Variants in ANKRD30A observed in about 807,000 individuals in gnomAD.
ANKRD30A encodes the protein ankyrin repeat domain-containing protein 30A.
ANKRD30A carries 170 observed loss-of-function variants against 166.3 expected under a neutral mutation model. The observed-to-expected ratio is 1.02, with a 90% CI of 0.90 to 1.16. The LOEUF is 1.16. Ranked by LOEUF, ANKRD30A falls within the 50% of genes most tolerant of loss-of-function variation. The probability of loss-of-function intolerance (pLI) is 0.00; values close to 1 mark genes in which losing one functional copy is unlikely to be tolerated. For missense variants in ANKRD30A, 1,630 were observed against 1,518.0 expected (o/e 1.07, Z -1.23); for synonymous variants, 564 against 508.9 (o/e 1.11, Z -1.46).
In ANKRD30A at chr10:37,128,839, G is replaced by A. The variant is rs866761056; in HGVS notation, c.222-1054G>A. 1.3e-5 allele frequency among the ~76,000 whole-genome samples: 2 copies of A among 152,084 alleles called. 1 individual carries two copies. The highest frequency in any genetic ancestry group is 4.1e-4 in the South Asian group (2 of 4,822). On this transcript the variant is annotated intron_variant, in intron 1 of 35. Coordinates refer to ENST00000361713, the MANE Select transcript of ANKRD30A (RefSeq NM_052997.3). ...TCTTTCAAAAAAAAGCACTTCTGAA[G>A]TGAAAAACTAGTAAAATATAACTAC...
chr10:37,237,200 C>T (rs933662387), downstream of ANKRD30A, among the ~76,000 whole-genome samples: 2 of 152,174 alleles, frequency 1.3e-5, no homozygotes, highest in Admixed American at 6.5e-5. Flanking sequence ...GACGGAAGAC[C>T]TAAAGCCCAT....
chr10:37,193,317 CTG>C (rs1330348458), intron 27 of ANKRD30A, 59 bp downstream of exon 27: 1 of 1,532,068 alleles, frequency 6.5e-7, no homozygotes, highest in Non-Finnish European at 8.9e-7. Flanking sequence ...ATTTGAAATG[CTG>C]TGAGACTTTT....
At chr10:37,126,101 A>G (rs1835991383) in intron 1 of ANKRD30A, 93 bp downstream of exon 1, 8 of 1,367,936 alleles carry the variant, frequency 5.8e-6, no homozygotes, top group Middle Eastern at 2.5e-4. Flanking sequence ...GGCCTGGGGA[A>G]GAAGGGAGCA....
chr10:37,153,158 T>C (rs915985139), intron 12 of ANKRD30A, among the ~76,000 whole-genome samples: 1 of 152,312 alleles, frequency 6.6e-6, no homozygotes, highest in South Asian at 2.1e-4. Flanking sequence ...TCTGTGATCA[T>C]GAATATTTTA....
rs1384938834 is a variant in ANKRD30A, at chr10:37,193,200, GA to G, written c.2559del (p.Val854PhefsTer8). On this transcript the variant is annotated frameshift_variant, in exon 27 of 36. Coordinates refer to ENST00000361713, the MANE Select transcript of ANKRD30A (RefSeq NM_052997.3). LOFTEE classifies it high-confidence loss of function. ...AACCCATTTAGGCTCCCTGCAGAATGAAAGTTTCTATTCCAACTAAAGCCTT... is the reference window on the plus strand; with the variant it reads ...AACCCATTTAGGCTCCCTGCAGAATGAAGTTTCTATTCCAACTAAAGCCTT... ...DGFLKAPCRM[K>X]VSIPTKALEL... is the part of the protein sequence containing the mutation. 2.5e-6 allele frequency: 4 copies of G among 1,611,826 alleles called. No homozygotes were observed. The highest frequency in any genetic ancestry group is 3.3e-5 in the Admixed American group (2 of 59,918).
rs1302591139 is a variant in ANKRD30A, at chr10:37,125,934, A to C, written c.147A>C (p.Gly49=). The C allele has an allele frequency of 6.2e-7, 1 of 1,611,938 alleles. No homozygotes were observed. The highest frequency in any genetic ancestry group is 1.7e-5 in the Admixed American group (1 of 60,022). The change falls in exon 1 of 36, where the codon GGA becomes GGC. Residue 49 remains glycine (G), a synonymous_variant. Coordinates refer to ENST00000361713, the MANE Select transcript of ANKRD30A (RefSeq NM_052997.3). ...AGATCCATAAAGCTGCCTCCCGGGG[A>C]CAAGTCCGGAAGCTGGAGAAGATGA... ...LRKIHKAASR[G]QVRKLEKMTK...
chr10:37,151,381 A>T (rs1181033409), intron 11 of ANKRD30A, among the ~76,000 whole-genome samples: 3 of 152,082 alleles, frequency 2.0e-5, no homozygotes, highest in Non-Finnish European at 2.9e-5. Flanking sequence ...TACATTTCTG[A>T]TGTTTCTCCA....
intron 34 of ANKRD30A, among the ~76,000 whole-genome samples, chr10:37,226,055 G>A (rs998950539): frequency 6.6e-6 from 1 of 151,168 alleles, no homozygotes; most frequent in African/African-American, 2.4e-5. Flanking sequence ...ACAGTACATG[G>A]CCTTTTGTGA....
At chr10:37,203,800 C>T (rs1458099172) in intron 31 of ANKRD30A, among the ~76,000 whole-genome samples, 1 of 152,162 alleles carries the variant, frequency 6.6e-6, no homozygotes, top group Non-Finnish European at 1.5e-5. Flanking sequence ...TCTCAGGATA[C>T]ATAATAAATG....
In ANKRD30A at chr10:37,207,124, G is replaced by C. The variant is rs896688097; in HGVS notation, c.2869+5799G>C. ...AAATGTAGGCATAAAATTACACCAT[G>C]TGTATGGAAAACAATGAATATTTTA... is the stretch of plus-strand genomic sequence containing the variant. On this transcript the variant is annotated intron_variant, in intron 31 of 35. Coordinates refer to ENST00000361713, the MANE Select transcript of ANKRD30A (RefSeq NM_052997.3). Among the ~76,000 whole-genome samples the C allele has an allele frequency of 6.6e-5, 10 of 152,192 alleles. No homozygotes were observed. The East Asian group carries it at 1.4e-3, about 21-fold the overall frequency.
intron 15 of ANKRD30A, among the ~76,000 whole-genome samples, chr10:37,159,746 A>G (rs1838700445): frequency 6.6e-6 from 1 of 151,676 alleles, no homozygotes. Flanking sequence ...CCCAGGCTGG[A>G]GTGCCATGGC....
intron 5 of ANKRD30A, among the ~76,000 whole-genome samples, chr10:37,135,698 A>C (rs1463653388): frequency 6.6e-6 from 1 of 152,232 alleles, no homozygotes; most frequent in East Asian, 1.9e-4. Context: ...AAGAGTAGCA[A>C]TAGTCCAAGC....
chr10:37,157,887 C>T (rs1478616063), intron 13 of ANKRD30A, among the ~76,000 whole-genome samples: 1 of 152,168 alleles, frequency 6.6e-6, no homozygotes, highest in African/African-American at 2.4e-5. Flanking sequence ...TACCTTTGAA[C>T]TCTCATCACA....
At chr10:37,137,760 A>G (rs1256262918) in intron 6 of ANKRD30A, among the ~76,000 whole-genome samples, 17 of 152,170 alleles carry the variant, frequency 1.1e-4, no homozygotes, top group Non-Finnish European at 5.9e-5. Context: ...CCGCAGCTCA[A>G]GGAGGCCTGC....
intron 6 of ANKRD30A, among the ~76,000 whole-genome samples, chr10:37,139,955 G>T (rs554027961): frequency 6.6e-6 from 1 of 152,256 alleles, no homozygotes; most frequent in African/African-American, 2.4e-5. Context: ...AACTTTACTA[G>T]TAGTCCACTG....
chr10:37,260,135 C>CA, the ANKRD30A span, among the ~76,000 whole-genome samples: 68,558 of 143,362 alleles, frequency 0.48, 16,010 homozygotes, highest in South Asian at 0.71. Context: ...ATAAAAAGGA[C>CA]AAAAAAAAAA....
chr10:37,161,834 T>A lies in ANKRD30A; in HGVS notation c.1901-815T>A, dbSNP rs189797108. Among the ~76,000 whole-genome samples the A allele has an allele frequency of 3.8e-3, 586 of 152,302 alleles. 4 individuals are homozygous for A. Among genetic ancestry groups the A allele is most frequent in the South Asian group, 0.03 (144 of 4,818 alleles). On this transcript the variant is annotated intron_variant, in intron 15 of 35. Coordinates refer to ENST00000361713, the MANE Select transcript of ANKRD30A (RefSeq NM_052997.3). ...AAATTGCCATTCCACAAAAAATTTATTATAGACTAATGATACACCGAACCA... is the reference window on the plus strand; with the variant it reads ...AAATTGCCATTCCACAAAAAATTTAATATAGACTAATGATACACCGAACCA...
At chr10:37,197,799 C>G (rs1841265266) in intron 29 of ANKRD30A, among the ~76,000 whole-genome samples, 3 of 151,832 alleles carry the variant, frequency 2.0e-5, no homozygotes, top group African/African-American at 7.3e-5. Flanking sequence ...TTTTTTAGTT[C>G]TTCGAAGCTT....
chr10:37,162,274 G>T (rs374183413), intron 15 of ANKRD30A, among the ~76,000 whole-genome samples: 38 of 152,108 alleles, frequency 2.5e-4, no homozygotes, highest in African/African-American at 8.9e-4. Context: ...GTACCTTTCC[G>T]AAGATAGGCT....
Sources: gnomAD v4.1 joint callset for allele counts (sites outside exome capture counted in the v4.1 genomes callset) on GRCh38, gnomAD v4.1.1 for gene constraint, MANE v1.5 for transcripts, NCBI Gene and HGNC (gene_info 2026-07-23, HGNC 2026-07-21) for gene names.